The following CEP85 variants were observed in gnomAD, a reference collection of about 807,000 sequenced individuals.
CEP85 encodes centrosomal protein 85.
Under a neutral mutation model 93.7 loss-of-function variants are expected in CEP85, and 58 were observed. The observed-to-expected ratio is 0.62, with a 90% CI of 0.50 to 0.77. The LOEUF is 0.77. Ranked by LOEUF, CEP85 falls within the 30% of genes least tolerant of loss-of-function variation. The pLI, the probability that CEP85 is intolerant of heterozygous loss-of-function variation, is 0.00. For synonymous variants in CEP85, 314 were observed against 338.6 expected, an observed-to-expected ratio of 0.93 and a Z score of 0.80; for missense variants, 868 against 922.0, an observed-to-expected ratio of 0.94 and a Z score of 0.76.
At position 26,255,221 on chromosome 1, in the gene CEP85, G is replaced by T. The variant is rs556461167; in HGVS notation, c.259G>T (p.Val87Leu). Residue 87 changes from valine to leucine, a missense_variant, in exon 4 of 14, where the codon GTA (valine) becomes TTA (leucine). Transcript: ENST00000451429. ...SPPFQPIKSH[V>L]TIPTAHVMPS... ...TCCTTTCCAGCCCATCAAAAGCCAC[G>T]TAACCATTCCAACAGCCCATGTGAT... is the stretch of plus-strand genomic sequence containing the variant. 3 of 1,614,120 alleles carry T rather than the reference G, an allele frequency of 1.9e-6. No individual in the cohort carries two copies. The highest frequency in any genetic ancestry group is 3.3e-5 in the Admixed American group (2 of 59,996).
chr1:26,252,194 GCACTCCAGCCTGGACAA>G, intron 3 of CEP85, among the ~76,000 whole-genome samples: 1 of 151,630 alleles, frequency 6.6e-6, no homozygotes, highest in South Asian at 2.1e-4. Flanking sequence ...TCGTGCCACT[GCACTCCAGCCTGGACAA>G]CAGAGTGAGT....
chr1:26,255,212 A>C lies in CEP85; in HGVS notation c.250A>C (p.Lys84Gln). Residue 84 changes from lysine (K) to glutamine (Q), a missense_variant, in exon 4 of 14, where the codon AAA becomes CAA. Transcript: ENST00000451429. Reference protein sequence around the residue: ...SSGSPPFQPIKSHVTIPTAHV... With the variant: ...SSGSPPFQPIQSHVTIPTAHV... ...TGGCAGTCCTCCTTTCCAGCCCATC[A>C]AAAGCCACGTAACCATTCCAACAGC... 6.2e-7 allele frequency: 1 copy of C among 1,614,160 alleles called. No homozygotes were observed. The highest frequency in any genetic ancestry group is 1.1e-5 in the South Asian group (1 of 91,086).
intron 1 of CEP85, among the ~76,000 whole-genome samples, chr1:26,238,347 C>T (rs11247879): frequency 0.17 from 25,000 of 151,252 alleles, 2,150 homozygotes; most frequent in Middle Eastern, 0.21. Flanking sequence ...ATTACAGGCG[C>T]CTGCCACCAT....
chr1:26,276,465 C>T (rs2090053366), intron 12 of CEP85, 70 bp from the exon 13 acceptor site: 1 of 1,247,306 alleles, frequency 8.0e-7, no homozygotes, highest in Non-Finnish European at 1.2e-6. Flanking sequence ...TCCACACCCA[C>T]ACACTCATGC....
chr1:26,255,882 C>A lies in CEP85; in HGVS notation c.903+17C>A, dbSNP rs752802840. 1.3e-6 allele frequency: 2 copies of A among 1,575,726 alleles called. No homozygotes were observed. Among genetic ancestry groups the A allele is most frequent in the Admixed American group, 1.8e-5 (1 of 55,062 alleles). ...CAAATGCAGGTAGAGGTCTATCTTT[C>A]CTTGGATTTTCTAGGTTCTGTACAG... is the stretch of plus-strand genomic sequence containing the variant. On this transcript the variant is annotated intron_variant, in intron 4 of 13. Transcript: ENST00000451429.
chr1:26,263,468 A>G (rs530618628), intron 7 of CEP85: 143 of 156,088 alleles, frequency 9.2e-4, no homozygotes, highest in Non-Finnish European at 1.6e-3. Flanking sequence ...GATGGCAGGG[A>G]CCTGGAAGTG....
At chr1:26,272,602 G>A (rs1346443084) in intron 11 of CEP85, among the ~76,000 whole-genome samples, 5 of 149,288 alleles carry the variant, frequency 3.3e-5, no homozygotes, top group Non-Finnish European at 7.4e-5. Flanking sequence ...GTAGGTGGTG[G>A]GCATCTATTA....
intron 3 of CEP85, among the ~76,000 whole-genome samples, chr1:26,252,696 A>G (rs2089637767): frequency 6.6e-6 from 1 of 152,144 alleles, no homozygotes; most frequent in Admixed American, 6.5e-5. Flanking sequence ...AGACTAATGC[A>G]TGTTATCAGA....
chr1:26,268,505 T>A lies in CEP85; in HGVS notation c.1364T>A (p.Ile455Asn), dbSNP rs904552152. Residue 455 changes from isoleucine to asparagine, a missense_variant, in exon 8 of 14, where the codon ATC (isoleucine) becomes AAC (asparagine). Ile to Asn is a moderately radical substitution (Grantham distance 149, BLOSUM62 -3). Coordinates refer to ENST00000451429, the MANE Select transcript of CEP85 (RefSeq NM_001319944.2). ...TAGGTCAAAGGTCGTGATAAACATA[T>A]CAATAATTTGAAAAAGAAATGCCAG... ...EERVKGRDKH[I>N]NNLKKKCQKE... 3.1e-6 allele frequency: 5 copies of A among 1,613,858 alleles called. No individual in the cohort carries two copies. In the African/African-American group the frequency reaches 4.0e-5, roughly 13 times the overall value.
chr1:26,275,507 C>T (rs2090041228), intron 12 of CEP85, among the ~76,000 whole-genome samples: 1 of 152,142 alleles, frequency 6.6e-6, no homozygotes, highest in African/African-American at 2.4e-5. Context: ...TCTTCATCTC[C>T]TGACCTTGTG....
At chr1:26,252,697 T>C (rs1356260284) in intron 3 of CEP85, among the ~76,000 whole-genome samples, 1 of 152,222 alleles carries the variant, frequency 6.6e-6, no homozygotes, top group African/African-American at 2.4e-5. Flanking sequence ...GACTAATGCA[T>C]GTTATCAGAA....
At chr1:26,272,786 G>A (rs1022508303) in intron 11 of CEP85, among the ~76,000 whole-genome samples, 1 of 151,832 alleles carries the variant, frequency 6.6e-6, no homozygotes, top group Admixed American at 6.6e-5. Context: ...CCACCATCAC[G>A]CCCGGCTAAT....
At chr1:26,257,480 G>A in intron 4 of CEP85, 117 bp from the exon 5 acceptor site, 1 of 1,166,142 alleles carries the variant, frequency 8.6e-7, no homozygotes, top group Non-Finnish European at 1.2e-6. Context: ...TAAACATTGG[G>A]CCTCATCAGG....
chr1:26,273,164 G>T (rs984695773), intron 11 of CEP85, among the ~76,000 whole-genome samples: 2 of 152,156 alleles, frequency 1.3e-5, no homozygotes, highest in Non-Finnish European at 2.9e-5. Context: ...AAGATGTAGG[G>T]GTTGAAGAAT....
chr1:26,252,878 C>T (rs2089640570), intron 3 of CEP85, among the ~76,000 whole-genome samples: 1 of 152,002 alleles, frequency 6.6e-6, no homozygotes, highest in South Asian at 2.1e-4. Context: ...AATGTTTTAC[C>T]CTTTGATCAG....
intron 4 of CEP85, among the ~76,000 whole-genome samples, chr1:26,256,376 T>G (rs1394187928): frequency 3.3e-5 from 5 of 151,504 alleles, no homozygotes; most frequent in African/African-American, 1.2e-4. Context: ...ACTAAAAATA[T>G]AAAAATTAGC....
rs1192252673 is a variant in CEP85, at chr1:26,235,567, C to CTTTTTTTTTTTTTTTTTTTTTTTTT, written c.-23+1277_-23+1278insTTTTTTTTTTTTTTTTTTTTTTTTT. Among the ~76,000 whole-genome samples the CTTTTTTTTTTTTTTTTTTTTTTTTT allele has an allele frequency of 7.3e-5, 7 of 95,582 alleles. 1 individual carries two copies. Among genetic ancestry groups the CTTTTTTTTTTTTTTTTTTTTTTTTT allele is most frequent in the African/African-American group, 1.8e-4 (4 of 22,712 alleles). The allele number at this position is 95,582 out of a possible 152,430, so 62.7% of individuals were successfully genotyped here. The stretch of plus-strand genomic sequence containing the variant: ...GATGTTCCACACTTAGATTGTAATT[C>CTTTTTTTTTTTTTTTTTTTTTTTTT]TTTTTTTTTTTTTTTTTTTTGTGAG... On this transcript the variant is annotated intron_variant, in intron 1 of 13. Transcript: ENST00000451429.
At position 26,258,272 on chromosome 1, in the gene CEP85, C is replaced by T. The variant is rs377598899; in HGVS notation, c.1155+12C>T. 31 of 1,542,052 alleles carry T rather than the reference C, an allele frequency of 2.0e-5. No homozygotes were observed. The African/African-American group carries it at 3.3e-4, about 16-fold the overall frequency. The stretch of plus-strand genomic sequence containing the variant: ...TGCTGAGGCTACAGGTAAGTATTGG[C>T]CATCAGGATGGCATTCTGTTTGTCA... On this transcript the variant is annotated intron_variant, in intron 6 of 13. Transcript: ENST00000451429.
intron 3 of CEP85, among the ~76,000 whole-genome samples, chr1:26,253,803 A>G (rs2124579536): frequency 6.6e-6 from 1 of 151,866 alleles, no homozygotes; most frequent in South Asian, 2.1e-4. Flanking sequence ...GCACTTTGGG[A>G]GGCTGAGGCA....
Sources: allele counts gnomAD v4.1 joint callset (sites outside exome capture counted in the v4.1 genomes callset), GRCh38; gene constraint gnomAD v4.1.1; transcripts MANE v1.5; gene names NCBI Gene and HGNC (gene_info 2026-07-23, HGNC 2026-07-21).